The following PCSK1 variants were observed in gnomAD, a reference collection of about 807,000 sequenced individuals.
The protein encoded by PCSK1 is neuroendocrine convertase 1.
PCSK1 carries 56 observed loss-of-function variants against 90.6 expected under a neutral mutation model. That is an observed-to-expected ratio of 0.62 (90% CI 0.50 to 0.77). The LOEUF is 0.77. Ranked by LOEUF, PCSK1 falls within the 30% of genes least tolerant of loss-of-function variation. The probability of loss-of-function intolerance (pLI) is 0.00; values close to 1 mark genes in which losing one functional copy is unlikely to be tolerated. For missense variants in PCSK1, 801 were observed against 932.6 expected (o/e 0.86, Z 1.84); for synonymous variants, 348 against 342.4 (o/e 1.02, Z -0.18).
chr5:96,400,597 C>A (rs925719427), intron 9 of PCSK1, among the ~76,000 whole-genome samples: 3 of 152,248 alleles, frequency 2.0e-5, no homozygotes, highest in Non-Finnish European at 2.9e-5. Flanking sequence ...TATGAACCCA[C>A]AGACGAGGCC....
At position 96,429,476 on chromosome 5, in the gene PCSK1, A is replaced by G. The variant is rs139108793; in HGVS notation, c.181-159T>C. On this transcript the variant is annotated intron_variant, in intron 1 of 13. Transcript: ENST00000311106. ...TTTCTTTTTTTAAACTTTTAAGTTCAGCAGTACAAGTACAGGTTTGTTACA... is the reference window on the plus strand; with the variant it reads ...TTTCTTTTTTTAAACTTTTAAGTTCGGCAGTACAAGTACAGGTTTGTTACA... 2.0e-5 allele frequency among the ~76,000 whole-genome samples: 3 copies of G among 152,274 alleles called. No individual in the cohort carries two copies. The East Asian group carries it at 5.8e-4, about 29-fold the overall frequency.
intron 8 of PCSK1, 80 bp downstream of exon 8, chr5:96,410,694 A>G: frequency 1.8e-6 from 2 of 1,137,042 alleles, no homozygotes; most frequent in Non-Finnish European, 2.7e-6. Flanking sequence ...AGTCGTACCA[A>G]AGGTCAGTTA....
intron 8 of PCSK1, among the ~76,000 whole-genome samples, chr5:96,410,438 C>T (rs1193285259): frequency 1.3e-5 from 2 of 151,986 alleles, no homozygotes; most frequent in Non-Finnish European, 2.9e-5. Context: ...GCCCCTACAA[C>T]CCTGAGATCT....
intron 9 of PCSK1, among the ~76,000 whole-genome samples, chr5:96,405,829 C>T (rs915337600): frequency 6.6e-6 from 1 of 152,150 alleles, no homozygotes; most frequent in African/African-American, 2.4e-5. Context: ...ATGGATATTT[C>T]TACTATATTG....
chr5:96,407,907 T>C (rs1230563092), intron 9 of PCSK1, among the ~76,000 whole-genome samples: 3 of 152,188 alleles, frequency 2.0e-5, no homozygotes, highest in African/African-American at 4.8e-5. Context: ...ATTTGAGGGA[T>C]AGCATGAGTT....
intron 1 of PCSK1, among the ~76,000 whole-genome samples, chr5:96,431,447 A>T (rs181084988): frequency 3.4e-4 from 52 of 152,280 alleles, no homozygotes; most frequent in Non-Finnish European, 6.0e-4. Flanking sequence ...TACAACTTCT[A>T]TGATTACACA....
In PCSK1 at chr5:96,408,338, G is replaced by C; in HGVS notation, c.1096-15C>G. On this transcript the variant is annotated splice_polypyrimidine_tract_variant and intron_variant, in intron 8 of 13. Coordinates refer to ENST00000311106, the MANE Select transcript of PCSK1 (RefSeq NM_000439.5). ...TCAGCGCTCGTCTGGATGACGTCAGGAAGGAGAGAAAGGCAGGGAGAACAC... is the reference window on the plus strand; with the variant it reads ...TCAGCGCTCGTCTGGATGACGTCAGCAAGGAGAGAAAGGCAGGGAGAACAC... 3 of 1,601,170 alleles carry C rather than the reference G, an allele frequency of 1.9e-6. No individual in the cohort carries two copies. The highest frequency in any genetic ancestry group is 1.1e-5 in the South Asian group (1 of 90,638).
rs1400200649 is a variant in PCSK1 at position 96,410,130 on chromosome 5, C to T, written c.1095+644G>A. Among the ~76,000 whole-genome samples the T allele has an allele frequency of 2.0e-5, 3 of 152,136 alleles. No homozygotes were observed. In the South Asian group the frequency reaches 6.2e-4, roughly 32 times the overall value. On this transcript the variant is annotated intron_variant, in intron 8 of 13. Transcript: ENST00000311106. The stretch of plus-strand genomic sequence containing the variant: ...TTGTTCTCAAAGCCCCTAAATGCCC[C>T]TCCATCGTCATGCCCTTGAAGGGAA...
rs765370682 is a variant in PCSK1, at chr5:96,394,940, T to C, written c.1808A>G (p.Gln603Arg). ...GTTGTAGGACGTGTACACACGAGGC[T>C]GCTTCATATGCTCTGGCTGAGAAGA... ...GTSSQPEHMK[Q>R]PRVYTSYNTV... The change falls in exon 13 of 14, where the codon CAG (glutamine) becomes CGG (arginine). Residue 603 changes from glutamine to arginine, a missense_variant. Transcript: ENST00000311106. 1 of 1,614,062 alleles carries C rather than the reference T, an allele frequency of 6.2e-7. No homozygotes were observed. The highest frequency in any genetic ancestry group is 8.5e-7 in the Non-Finnish European group (1 of 1,179,878).
Position 96,423,359 on chromosome 5 carries a change from A to C in PCSK1, c.497T>G (p.Leu166Arg). 1 of 1,613,642 alleles carries C rather than the reference A, an allele frequency of 6.2e-7. No individual in the cohort carries two copies. The change falls in exon 4 of 14, where the codon CTG (leucine) becomes CGG (arginine). Residue 166 changes from leucine to arginine, a missense_variant. Transcript: ENST00000311106. ...ITGKGVVITV[L>R]DDGLEWNHTD... ...GTGATTCCACTCCAAACCATCATCCAGTACGGTGATAACAACTCCTTTGCC... is the reference window on the plus strand; with the variant it reads ...GTGATTCCACTCCAAACCATCATCCCGTACGGTGATAACAACTCCTTTGCC...
chr5:96,398,763 G>A lies in PCSK1; in HGVS notation c.1588+116C>T, dbSNP rs148603157. ...AGGAAAAAATAAGCATGTTTTTTAA[G>A]ACCTGAAAATATCTATTAGGAGACT... On this transcript the variant is annotated intron_variant, in intron 11 of 13. Transcript: ENST00000311106. 3.4e-6 allele frequency: 3 copies of A among 881,822 alleles called. No individual in the cohort carries two copies. The East Asian group carries it at 7.5e-5, about 22-fold the overall frequency. 54.6% of individuals were successfully genotyped at this position (881,822 alleles called of 1,614,324 possible).
intron 1 of PCSK1, among the ~76,000 whole-genome samples, chr5:96,430,985 G>A (rs1761473411): frequency 6.6e-6 from 1 of 152,166 alleles, no homozygotes; most frequent in African/African-American, 2.4e-5. Context: ...AGAGCTAACA[G>A]GTGGGAAAAA....
At chr5:96,402,563 A>C (rs945224904) in intron 9 of PCSK1, among the ~76,000 whole-genome samples, 1 of 152,120 alleles carries the variant, frequency 6.6e-6, no homozygotes, top group Non-Finnish European at 1.5e-5. Context: ...TAAAATTGCC[A>C]GAGCCTTTTG....
At position 96,404,172 on chromosome 5, in the gene PCSK1, CACAA is replaced by C. The variant is rs576052300; in HGVS notation, c.1197-3990_1197-3987del. On this transcript the variant is annotated intron_variant, in intron 9 of 13. Transcript: ENST00000311106. ...TACTAACTACCCTAATGGGTTTCTA[CACAA>C]ACACAGGTGGATGAGGTTGTAGGAA... Among the ~76,000 whole-genome samples the C allele has an allele frequency of 1.6e-4, 24 of 152,298 alleles. No individual in the cohort carries two copies. In the East Asian group the frequency reaches 4.4e-3, roughly 28 times the overall value.
chr5:96,402,213 T>A (rs1760400706), intron 9 of PCSK1, among the ~76,000 whole-genome samples: 1 of 152,158 alleles, frequency 6.6e-6, no homozygotes, highest in African/African-American at 2.4e-5. Context: ...TTAAAAACCG[T>A]GTGTGATTTT....
At chr5:96,416,234 GTT>G in intron 5 of PCSK1, 113 bp from the exon 6 acceptor site, 1 of 741,082 alleles carries the variant, frequency 1.3e-6, no homozygotes, top group East Asian at 2.7e-5. Context: ...CCTTGTTACT[GTT>G]TTTGTTTGTT....
At chr5:96,422,897 G>T (rs1761171964) in intron 4 of PCSK1, among the ~76,000 whole-genome samples, 1 of 151,984 alleles carries the variant, frequency 6.6e-6, no homozygotes, top group Non-Finnish European at 1.5e-5. Context: ...TGCATGGAAG[G>T]AATCACATTC....
At position 96,407,661 on chromosome 5, in the gene PCSK1, A is replaced by C. The variant is rs567316750; in HGVS notation, c.1196+562T>G. ...TTACTGACAATGGTGTTTAAGCATG[A>C]TTAGATGACTTTAAGGAAATTTGTG... is the stretch of plus-strand genomic sequence containing the variant. On this transcript the variant is annotated intron_variant, in intron 9 of 13. Coordinates refer to ENST00000311106, the MANE Select transcript of PCSK1 (RefSeq NM_000439.5). Among the ~76,000 whole-genome samples, 9 of 152,342 alleles carry C rather than the reference A, an allele frequency of 5.9e-5. 2 individuals carry two copies. Among genetic ancestry groups the C allele is most frequent in the African/African-American group, 2.2e-4 (9 of 41,578 alleles).
At chr5:96,403,249 GA>G (rs1334383392) in intron 9 of PCSK1, among the ~76,000 whole-genome samples, 1 of 152,086 alleles carries the variant, frequency 6.6e-6, no homozygotes, top group Non-Finnish European at 1.5e-5. Context: ...CATGCAATTA[GA>G]AAAACCTATT....
Sources: allele counts gnomAD v4.1 joint callset (sites outside exome capture counted in the v4.1 genomes callset), GRCh38; gene constraint gnomAD v4.1.1; transcripts MANE v1.5; gene names NCBI Gene and HGNC (gene_info 2026-07-23, HGNC 2026-07-21).